DSG1: variants seen among roughly 807,000 people sequenced by gnomAD.
DSG1 encodes desmoglein-1.
A neutral mutation model predicts 97.5 loss-of-function variants in DSG1; 39 were observed. The observed-to-expected ratio is 0.40, with a 90% CI of 0.31 to 0.52. DSG1 has a LOEUF of 0.52. Among genes scored for constraint, DSG1 ranks in the 20% least tolerant of loss-of-function variants. DSG1 has a pLI of 0.53. For synonymous variants in DSG1, 475 were observed against 443.4 expected, an observed-to-expected ratio of 1.07 and a Z score of -0.90; for missense variants, 1,311 against 1,295.4, an observed-to-expected ratio of 1.01 and a Z score of -0.18.
intron 11 of DSG1, among the ~76,000 whole-genome samples, chr18:31,341,893 T>C (rs768371877): frequency 1.3e-5 from 2 of 151,966 alleles, no homozygotes; most frequent in Non-Finnish European, 2.9e-5. Context: ...TGTTGAGTTT[T>C]GTTTGTTTGT....
chr18:31,342,402 T>G lies in DSG1; in HGVS notation c.1688-1048T>G, dbSNP rs545878820. Among the ~76,000 whole-genome samples, 115 of 152,222 alleles carry G rather than the reference T, an allele frequency of 7.6e-4. 1 individual carries two copies. The highest frequency in any genetic ancestry group is 2.6e-3 in the African/African-American group (106 of 41,536). The stretch of plus-strand genomic sequence containing the variant: ...TTTCCTCTTTTTTTCTTTTTTCTTC[T>G]CTCCCTCTCTCCCTTATGTCTATCC... On this transcript the variant is annotated intron_variant, in intron 11 of 14. Coordinates refer to ENST00000257192, the MANE Select transcript of DSG1 (RefSeq NM_001942.4).
At position 31,341,912 on chromosome 18, in the gene DSG1, T is replaced by G. The variant is rs531653296; in HGVS notation, c.1688-1538T>G. ...GAGTTTTGTTTGTTTGTTTTCTGGG[T>G]TTTTTTTGTTCTTTTGTTTTTTTGT... On this transcript the variant is annotated intron_variant, in intron 11 of 14. Coordinates refer to ENST00000257192, the MANE Select transcript of DSG1 (RefSeq NM_001942.4). Among the ~76,000 whole-genome samples, 54 of 149,608 alleles carry G rather than the reference T, an allele frequency of 3.6e-4. 1 individual carries two copies. The highest frequency in any genetic ancestry group is 1.1e-3 in the African/African-American group (46 of 40,762).
intron 8 of DSG1, among the ~76,000 whole-genome samples, chr18:31,335,783 C>T (rs898223409): frequency 1.3e-5 from 2 of 150,978 alleles, no homozygotes; most frequent in African/African-American, 2.4e-5. Context: ...AAAATCACTA[C>T]TTTATTATTT....
Position 31,318,239 on chromosome 18 carries a change from A to G in DSG1, c.-62A>G, listed in dbSNP as rs1326391740. ...AGACACCAGCTGAGTGGGAGAAAGA[A>G]AAAGAACAGAGAAGAACAAACAAAA... On this transcript the variant is annotated 5_prime_UTR_variant, in exon 1 of 15. Coordinates refer to ENST00000257192, the MANE Select transcript of DSG1 (RefSeq NM_001942.4). 1 of 1,442,650 alleles carries G rather than the reference A, an allele frequency of 6.9e-7. No individual in the cohort carries two copies. Among genetic ancestry groups the G allele is most frequent in the Non-Finnish European group, 9.8e-7 (1 of 1,023,686 alleles). 89.4% of individuals were successfully genotyped at this position (1,442,650 alleles called of 1,614,324 possible).
intron 4 of DSG1, among the ~76,000 whole-genome samples, chr18:31,328,729 T>G (rs1371000804): frequency 6.6e-6 from 1 of 152,050 alleles, no homozygotes; most frequent in East Asian, 1.9e-4. Context: ...ATATACTTTA[T>G]TATAAATTCA....
intron 9 of DSG1, among the ~76,000 whole-genome samples, chr18:31,337,473 G>C (rs552056505): frequency 6.6e-6 from 1 of 151,982 alleles, no homozygotes; most frequent in Non-Finnish European, 1.5e-5. Context: ...GGTCAGTCTC[G>C]AACTCCAGAG....
rs951574314 is a variant in DSG1, at chr18:31,357,732, A to G, written c.*2386A>G. On this transcript the variant is annotated 3_prime_UTR_variant, in exon 15 of 15. Coordinates refer to ENST00000257192, the MANE Select transcript of DSG1 (RefSeq NM_001942.4). ...GGCCATTTGAGTCATTGAGTCATCT[A>G]TCTTTCTAGGAAGATACTTTCTAAC... is the stretch of plus-strand genomic sequence containing the variant. Among the ~76,000 whole-genome samples the G allele has an allele frequency of 1.4e-4, 21 of 152,000 alleles. No homozygotes were observed. Among genetic ancestry groups the G allele is most frequent in the Middle Eastern group, 3.2e-3 (1 of 316 alleles).
Position 31,354,616 on chromosome 18 carries a change from C to A in DSG1, c.2420C>A (p.Thr807Lys). ...PPISPHFGTT[T>K]VISESTYPSG... ...ATCTCCCCACATTTCGGCACTACCA[C>A]AGTAATTTCTGAGAGCACCTATCCC... Residue 807 changes from threonine (T) to lysine (K), a missense_variant, in exon 15 of 15, where the codon ACA (threonine) becomes AAA (lysine). Coordinates refer to ENST00000257192, the MANE Select transcript of DSG1 (RefSeq NM_001942.4). The A allele has an allele frequency of 6.2e-7, 1 of 1,614,168 alleles. No homozygotes were observed. Among genetic ancestry groups the A allele is most frequent in the African/African-American group, 1.3e-5 (1 of 75,028 alleles).
intron 10 of DSG1, 102 bp downstream of exon 10, chr18:31,338,556 C>T: frequency 7.7e-7 from 1 of 1,300,628 alleles, no homozygotes; most frequent in Middle Eastern, 2.1e-4. Context: ...CCCTTTCCAA[C>T]AAAAGTTGTC....
At chr18:31,333,767 T>C (rs754548405) in intron 7 of DSG1, 44 bp downstream of exon 7, 2 of 1,603,090 alleles carry the variant, frequency 1.2e-6, no homozygotes, top group South Asian at 2.2e-5. Context: ...ATTCGCTATA[T>C]TCTAAAACAT....
At chr18:31,325,724 T>C (rs984974664) in intron 1 of DSG1, among the ~76,000 whole-genome samples, 6 of 152,192 alleles carry the variant, frequency 3.9e-5, no homozygotes, top group African/African-American at 1.4e-4. Context: ...TATAAATTCT[T>C]TGTAGCATGC....
At position 31,340,027 on chromosome 18, in the gene DSG1, T is replaced by G; in HGVS notation, c.1687+2T>G. 6.2e-7 allele frequency: 1 copy of G among 1,613,948 alleles called. No individual in the cohort carries two copies. Among genetic ancestry groups the G allele is most frequent in the Non-Finnish European group, 8.5e-7 (1 of 1,179,914 alleles). On this transcript the variant is annotated splice_donor_variant, in intron 11 of 14. Transcript: ENST00000257192. LOFTEE classifies it high-confidence loss of function. ...TCATGGGATTCTTGGTCTTAGGATGTAAGTACTTTAGCAATCCTATGTATA... is the reference window on the plus strand; with the variant it reads ...TCATGGGATTCTTGGTCTTAGGATGGAAGTACTTTAGCAATCCTATGTATA...
chr18:31,339,857 C>A lies in DSG1; in HGVS notation c.1519C>A (p.Gln507Lys). Reference sequence around the variant, plus strand: ...TAAAATTACTACCAATACTGGCAGACAAGAAAGTACTTCTTCCACTAACTA... The same window carrying A: ...TAAAATTACTACCAATACTGGCAGAAAAGAAAGTACTTCTTCCACTAACTA... Reference protein sequence around the residue: ...NTKITTNTGRQESTSSTNYDT... With the variant: ...NTKITTNTGRKESTSSTNYDT... Residue 507 changes from glutamine to lysine, a missense_variant, in exon 11 of 15, where the codon CAA becomes AAA. Coordinates refer to ENST00000257192, the MANE Select transcript of DSG1 (RefSeq NM_001942.4). 1.2e-6 allele frequency: 2 copies of A among 1,614,064 alleles called. No homozygotes were observed. Among genetic ancestry groups the A allele is most frequent in the East Asian group, 2.2e-5 (1 of 44,864 alleles).
intron 1 of DSG1, among the ~76,000 whole-genome samples, chr18:31,323,541 C>T (rs766221389): frequency 1.1e-4 from 16 of 152,172 alleles, no homozygotes; most frequent in Non-Finnish European, 2.2e-4. Flanking sequence ...TATCACAACA[C>T]TTCTATGAGA....
intron 8 of DSG1, among the ~76,000 whole-genome samples, chr18:31,335,839 T>C (rs2071748473): frequency 6.7e-6 from 1 of 150,326 alleles, no homozygotes; most frequent in South Asian, 2.1e-4. Context: ...AATAGATTTA[T>C]TTATATTATA....
intron 14 of DSG1, among the ~76,000 whole-genome samples, chr18:31,351,504 G>A (rs1449770955): frequency 1.2e-4 from 18 of 147,864 alleles, no homozygotes; most frequent in African/African-American, 2.6e-4. Context: ...GCAGAGCTGA[G>A]TTCAATTCCT....
chr18:31,345,918 A>G (rs1043167063), intron 13 of DSG1, 72 bp from the exon 14 acceptor site: 6 of 1,220,914 alleles, frequency 4.9e-6, no homozygotes, highest in Admixed American at 1.9e-5. Context: ...ATCACATATT[A>G]CAAGGCAAGT....
chr18:31,349,559 G>C (rs1434688795), intron 14 of DSG1, among the ~76,000 whole-genome samples: 1 of 131,666 alleles, frequency 7.6e-6, no homozygotes, highest in Admixed American at 7.7e-5. Context: ...ACCTTGGGCA[G>C]TATGGCCATT....
At chr18:31,337,786 A>T (rs1162148734) in intron 9 of DSG1, among the ~76,000 whole-genome samples, 1 of 152,214 alleles carries the variant, frequency 6.6e-6, no homozygotes, top group Non-Finnish European at 1.5e-5. Context: ...AAAAACACCG[A>T]AGTCAAAGAT....
Sources: allele counts gnomAD v4.1 joint callset (sites outside exome capture counted in the v4.1 genomes callset), GRCh38; gene constraint gnomAD v4.1.1; transcripts MANE v1.5; gene names NCBI Gene and HGNC (gene_info 2026-07-23, HGNC 2026-07-21).